Variants in HOMER1 observed in about 807,000 individuals in gnomAD.
HOMER1 encodes homer scaffold protein 1.
HOMER1 carries 3 observed loss-of-function variants against 48.9 expected under a neutral mutation model. The ratio of observed to expected loss-of-function variants is 0.06; its 90% CI spans 0.03 to 0.16. HOMER1 has a LOEUF of 0.16. HOMER1 is among the 10% of genes least tolerant of loss of function. The probability of loss-of-function intolerance (pLI) is 1.00; values close to 1 mark genes in which losing one functional copy is unlikely to be tolerated. For missense variants in HOMER1, 247 were observed against 411.4 expected, an observed-to-expected ratio of 0.60 and a Z score of 3.46; for synonymous variants, 134 against 146.4, an observed-to-expected ratio of 0.92 and a Z score of 0.61.
chr5:79,479,595 G>C (rs1751889390), intron 1 of HOMER1, among the ~76,000 whole-genome samples: 1 of 152,206 alleles, frequency 6.6e-6, no homozygotes, highest in East Asian at 1.9e-4. Context: ...CCTCCTGAAG[G>C]AGTGTGGGCT....
intron 8 of HOMER1, among the ~76,000 whole-genome samples, chr5:79,384,677 A>C (rs1248828281): frequency 6.6e-6 from 1 of 152,174 alleles, no homozygotes; most frequent in Non-Finnish European, 1.5e-5. Flanking sequence ...ACCAAAAACC[A>C]GACAAAGATA....
At chr5:79,427,042 T>C (rs1750275976) in intron 5 of HOMER1, among the ~76,000 whole-genome samples, 2 of 152,208 alleles carry the variant, frequency 1.3e-5, no homozygotes, top group African/African-American at 4.8e-5. Context: ...ATTATGGCAT[T>C]GATATACTGC....
intron 5 of HOMER1, among the ~76,000 whole-genome samples, chr5:79,428,367 C>T (rs1051783764): frequency 6.6e-6 from 1 of 152,104 alleles, no homozygotes; most frequent in Non-Finnish European, 1.5e-5. Flanking sequence ...CAACGCTTTC[C>T]TTCTATCAGG....
intron 2 of HOMER1, 39 bp from the exon 3 acceptor site, chr5:79,451,160 C>T: frequency 3.7e-6 from 6 of 1,601,224 alleles, no homozygotes; most frequent in Non-Finnish European, 5.1e-6. Flanking sequence ...AGCAAAAAAT[C>T]AGCAAACAGG....
chr5:79,420,782 T>G (rs550700986), intron 5 of HOMER1, among the ~76,000 whole-genome samples: 100 of 152,268 alleles, frequency 6.6e-4, no homozygotes, highest in Non-Finnish European at 1.3e-3. Flanking sequence ...GGTTATATAT[T>G]CTGCTGTCTC....
Position 79,384,736 on chromosome 5 carries a change from T to C in HOMER1, c.877-8539A>G, listed in dbSNP as rs1373329479. Among the ~76,000 whole-genome samples, 4 of 152,116 alleles carry C rather than the reference T, an allele frequency of 2.6e-5. No individual in the cohort carries two copies. In the East Asian group the frequency reaches 7.7e-4, roughly 29 times the overall value. On this transcript the variant is annotated intron_variant, in intron 8 of 8. Transcript: ENST00000334082. ...CCAATATCCCTGAAAAACACAGATGTAAAAATCCTCAACAAAATACCAGCC... is the reference window on the plus strand; with the variant it reads ...CCAATATCCCTGAAAAACACAGATGCAAAAATCCTCAACAAAATACCAGCC...
At chr5:79,448,673 T>G (rs988909471) in intron 3 of HOMER1, among the ~76,000 whole-genome samples, 1 of 152,228 alleles carries the variant, frequency 6.6e-6, no homozygotes, top group Non-Finnish European at 1.5e-5. Context: ...AGAATGTTTA[T>G]GTACTTGCTT....
At chr5:79,378,330 T>A (rs1046807196) in intron 8 of HOMER1, among the ~76,000 whole-genome samples, 2 of 151,138 alleles carry the variant, frequency 1.3e-5, no homozygotes, top group Non-Finnish European at 2.9e-5. Flanking sequence ...TACAGATGAG[T>A]TGCAAGAGCC....
intron 8 of HOMER1, among the ~76,000 whole-genome samples, chr5:79,383,546 C>A (rs942409931): frequency 6.6e-6 from 1 of 151,968 alleles, no homozygotes. Context: ...CCACCATGCC[C>A]GGCTCATTTT....
chr5:79,375,904 ATTTTTT>A lies in HOMER1; in HGVS notation c.*99_*104del. ...CCTCCTCCTGGAGGAGTGATATTCAATTTTTTTTTTTTTTTTTTTGTGCAATCTTGA... is the reference window on the plus strand; with the variant it reads ...CCTCCTCCTGGAGGAGTGATATTCAATTTTTTTTTTTTTGTGCAATCTTGA... On this transcript the variant is annotated 3_prime_UTR_variant, in exon 9 of 9. Coordinates refer to ENST00000334082, the MANE Select transcript of HOMER1 (RefSeq NM_004272.5). 4 of 352,670 alleles carry A rather than the reference ATTTTTT, an allele frequency of 1.1e-5. No homozygotes were observed. Among genetic ancestry groups the A allele is most frequent in the Non-Finnish European group, 1.9e-5 (4 of 205,148 alleles). 21.8% of individuals were successfully genotyped at this position (352,670 alleles called of 1,614,324 possible). A position where few individuals can be genotyped will look rare whatever the true frequency, so the allele number is the denominator to read the frequency against.
chr5:79,449,988 T>C (rs926005792), intron 3 of HOMER1, among the ~76,000 whole-genome samples: 1 of 152,094 alleles, frequency 6.6e-6, no homozygotes, highest in African/African-American at 2.4e-5. Context: ...AAGAACCCAG[T>C]TTAAGAATTT....
chr5:79,387,069 T>TTA (rs1554056675), intron 8 of HOMER1, among the ~76,000 whole-genome samples: 1 of 132,266 alleles, frequency 7.6e-6, no homozygotes, highest in African/African-American at 3.2e-5. Context: ...TTTCCTTTCT[T>TTA]TCTCTATCTC....
At chr5:79,403,013 A>G (rs972957151) in intron 5 of HOMER1, among the ~76,000 whole-genome samples, 2 of 152,170 alleles carry the variant, frequency 1.3e-5, no homozygotes, top group Admixed American at 6.5e-5. Flanking sequence ...GTTTTTCCTC[A>G]TTTAATATTC....
rs111392733 is a variant in HOMER1 at position 79,439,057 on chromosome 5, T to G, written c.480A>C (p.Ser160=). ...TCTGAGTTGGTTCAGCCCTTGGCTCTGAGTTCTGTGTCACATCAGGTGTTC... is the reference window on the plus strand; with the variant it reads ...TCTGAGTTGGTTCAGCCCTTGGCTCGGAGTTCTGTGTCACATCAGGTGTTC... ...DERTPDVTQN[S]EPRAEPTQNA... Residue 160 remains serine (S), a synonymous_variant, in exon 5 of 9, where the codon TCA becomes TCC. Transcript: ENST00000334082. 1 of 1,614,012 alleles carries G rather than the reference T, an allele frequency of 6.2e-7. No homozygotes were observed. The highest frequency in any genetic ancestry group is 1.1e-5 in the South Asian group (1 of 91,070).
chr5:79,381,759 CCTGT>C (rs1448710758), intron 8 of HOMER1, among the ~76,000 whole-genome samples: 1 of 152,040 alleles, frequency 6.6e-6, no homozygotes, highest in African/African-American at 2.4e-5. Context: ...GTGGTATGCA[CCTGT>C]AATCCCAGCT....
intron 5 of HOMER1, 117 bp from the exon 6 acceptor site, chr5:79,402,172 T>C (rs1007414252): frequency 3.4e-6 from 3 of 872,908 alleles, no homozygotes; most frequent in Non-Finnish European, 4.9e-6. Flanking sequence ...TCTTTTCTTT[T>C]TTTTTTTTTT....
chr5:79,410,040 C>T (rs1275034380), intron 5 of HOMER1, among the ~76,000 whole-genome samples: 1 of 152,126 alleles, frequency 6.6e-6, no homozygotes, highest in Non-Finnish European at 1.5e-5. Flanking sequence ...GGCAGGGTCT[C>T]AAATAATTTT....
At chr5:79,488,331 T>A (rs1413836913) in intron 1 of HOMER1, among the ~76,000 whole-genome samples, 1 of 152,244 alleles carries the variant, frequency 6.6e-6, no homozygotes, top group Non-Finnish European at 1.5e-5. Flanking sequence ...TGCAGGAGAT[T>A]AATGCAGTAC....
intron 1 of HOMER1, among the ~76,000 whole-genome samples, chr5:79,471,392 A>G (rs1422669053): frequency 6.6e-6 from 1 of 151,818 alleles, no homozygotes; most frequent in Non-Finnish European, 1.5e-5. Context: ...TAAAAATACA[A>G]AAAATTAGCC....
Sources: gnomAD v4.1 joint callset for allele counts (sites outside exome capture counted in the v4.1 genomes callset) on GRCh38, gnomAD v4.1.1 for gene constraint, MANE v1.5 for transcripts, NCBI Gene and HGNC (gene_info 2026-07-23, HGNC 2026-07-21) for gene names.